The following COL22A1 variants were observed in gnomAD, a reference collection of about 807,000 sequenced individuals.
The protein encoded by COL22A1 is collagen type XXII alpha 1 chain.
In COL22A1, 221 loss-of-function variants were observed where a neutral mutation model predicts 248.9. The observed-to-expected ratio is 0.89, with a 90% CI of 0.80 to 0.99. The LOEUF (loss-of-function observed/expected upper bound fraction) is 0.99, where lower values mean the gene tolerates loss of function less well. Among genes scored for constraint, COL22A1 ranks in the 50% least tolerant of loss-of-function variants. The pLI, the probability that COL22A1 is intolerant of heterozygous loss-of-function variation, is 0.00. For missense variants in COL22A1, 2,240 were observed against 2,179.0 expected, an observed-to-expected ratio of 1.03 and a Z score of -0.56; for synonymous variants, 891 against 793.4, an observed-to-expected ratio of 1.12 and a Z score of -2.07.
At chr8:138,827,652 G>C (rs1184923120) in intron 5 of COL22A1, among the ~76,000 whole-genome samples, 3 of 151,366 alleles carry the variant, frequency 2.0e-5, no homozygotes, top group Non-Finnish European at 4.4e-5. Flanking sequence ...AAGTCCTCGG[G>C]CTGCTTTTCC....
Position 138,817,651 on chromosome 8 carries a change from A to T in COL22A1, c.1245+3485T>A, listed in dbSNP as rs1053927667. 2.1e-4 allele frequency among the ~76,000 whole-genome samples: 32 copies of T among 152,222 alleles called. 1 individual carries two copies. Among genetic ancestry groups the T allele is most frequent in the African/African-American group, 7.7e-4 (32 of 41,448 alleles). ...TTTAGGGGTCGACCATATAATACAA[A>T]TGGGTACCTTGGAGAGTACCAGAAG... is the stretch of plus-strand genomic sequence containing the variant. On this transcript the variant is annotated intron_variant, in intron 7 of 64. Transcript: ENST00000303045.
chr8:138,899,627 G>T (rs905452217), intron 1 of COL22A1, among the ~76,000 whole-genome samples: 30 of 152,092 alleles, frequency 2.0e-4, no homozygotes, highest in African/African-American at 6.8e-4. Context: ...GGGTTCAAGT[G>T]ATTCTCCTGC....
intron 59 of COL22A1, among the ~76,000 whole-genome samples, chr8:138,602,421 C>A (rs1325893366): frequency 6.6e-6 from 1 of 152,200 alleles, no homozygotes; most frequent in Non-Finnish European, 1.5e-5. Flanking sequence ...TCCTCCCCTA[C>A]CTCTTGTGGG....
intron 22 of COL22A1, among the ~76,000 whole-genome samples, chr8:138,741,776 G>A (rs62530661): frequency 3.3e-5 from 5 of 152,344 alleles, no homozygotes; most frequent in Non-Finnish European, 5.9e-5. Flanking sequence ...CGCCCACAAA[G>A]TACTTAGTAA....
chr8:138,693,243 T>C (rs1354987694), intron 35 of COL22A1, among the ~76,000 whole-genome samples: 1 of 152,034 alleles, frequency 6.6e-6, no homozygotes, highest in Admixed American at 6.6e-5. Flanking sequence ...CATCTGTGTG[T>C]TTGGGGCTGT....
rs1268030573 is a variant in COL22A1 at position 138,844,159 on chromosome 8, C to T, written c.659-1G>A. The T allele has an allele frequency of 6.2e-7, 1 of 1,614,070 alleles. No individual in the cohort carries two copies. The highest frequency in any genetic ancestry group is 8.5e-7 in the Non-Finnish European group (1 of 1,179,940). ...ACACGAACGCTAGGACAGAGCACAT[C>T]TGAGGAAAGCAAGAGGAAACAGAGA... is the stretch of plus-strand genomic sequence containing the variant. On this transcript the variant is annotated splice_acceptor_variant, in intron 3 of 64. Coordinates refer to ENST00000303045, the MANE Select transcript of COL22A1 (RefSeq NM_152888.3). LOFTEE classifies it high-confidence loss of function.
At chr8:138,701,735 A>T (rs1374121674) in intron 31 of COL22A1, among the ~76,000 whole-genome samples, 1 of 152,226 alleles carries the variant, frequency 6.6e-6, no homozygotes, top group Admixed American at 6.5e-5. Context: ...GAAGTAAACC[A>T]CAGAATGAAG....
intron 61 of COL22A1, among the ~76,000 whole-genome samples, chr8:138,597,342 T>C (rs1002425870): frequency 2.6e-5 from 4 of 152,184 alleles, no homozygotes; most frequent in Non-Finnish European, 5.9e-5. Flanking sequence ...GCTGCCAAAG[T>C]TGTGTCCACC....
intron 1 of COL22A1, among the ~76,000 whole-genome samples, chr8:138,897,344 G>A (rs990660456): frequency 1.1e-4 from 17 of 151,928 alleles, no homozygotes; most frequent in Non-Finnish European, 1.6e-4. Context: ...TCAAGAGATC[G>A]AGACCACCCT....
At chr8:138,903,602 G>A (rs1185526766) in intron 1 of COL22A1, among the ~76,000 whole-genome samples, 2 of 152,138 alleles carry the variant, frequency 1.3e-5, no homozygotes, top group African/African-American at 4.8e-5. Context: ...TGACACCAGT[G>A]ATTGTTTTCT....
chr8:138,593,401 AC>A (rs1176828878), intron 63 of COL22A1, among the ~76,000 whole-genome samples: 2 of 151,974 alleles, frequency 1.3e-5, no homozygotes, highest in South Asian at 2.1e-4. Context: ...TTAAAAAAAA[AC>A]CTTTTGTTAA....
At chr8:138,663,557 T>G (rs1188237312) in intron 42 of COL22A1, 148 bp downstream of exon 42, 6 of 667,962 alleles carry the variant, frequency 9.0e-6, no homozygotes, top group Non-Finnish European at 1.6e-5. Flanking sequence ...CAGGTCAGAG[T>G]TCATAGGTTG....
intron 4 of COL22A1, among the ~76,000 whole-genome samples, chr8:138,839,228 G>T (rs1481387563): frequency 6.6e-6 from 1 of 152,196 alleles, no homozygotes; most frequent in African/African-American, 2.4e-5. Flanking sequence ...CCTCCTATGT[G>T]TTAGATGCTG....
chr8:138,768,346 G>A (rs1175794092), intron 16 of COL22A1, among the ~76,000 whole-genome samples: 8 of 152,158 alleles, frequency 5.3e-5, no homozygotes. Context: ...GCCCGAGCCT[G>A]CCCCTGGCTT....
chr8:138,885,329 C>T (rs1317551083), intron 1 of COL22A1, among the ~76,000 whole-genome samples: 1 of 152,150 alleles, frequency 6.6e-6, no homozygotes, highest in Non-Finnish European at 1.5e-5. Context: ...CACCTGATCT[C>T]AGCCAGGTCA....
chr8:138,663,676 C>T lies in COL22A1; in HGVS notation c.3186+29G>A, dbSNP rs759404569. On this transcript the variant is annotated intron_variant, in intron 42 of 64. Transcript: ENST00000303045. Reference sequence around the variant, plus strand: ...TCGAGCAGGATTCCTCCCATAGAAACTCATCCCTTTATTTAAAGCATACTG... The same window carrying T: ...TCGAGCAGGATTCCTCCCATAGAAATTCATCCCTTTATTTAAAGCATACTG... 12 of 1,557,574 alleles carry T rather than the reference C, an allele frequency of 7.7e-6. No individual in the cohort carries two copies. The Admixed American group carries it at 8.3e-5, about 11-fold the overall frequency.
chr8:138,774,286 C>T lies in COL22A1; in HGVS notation c.1803+1680G>A, dbSNP rs532218427. 1.1e-3 allele frequency among the ~76,000 whole-genome samples: 172 copies of T among 152,122 alleles called. 2 individuals carry two copies. The highest frequency in any genetic ancestry group is 3.3e-3 in the Admixed American group (50 of 15,278). On this transcript the variant is annotated intron_variant, in intron 16 of 64. Coordinates refer to ENST00000303045, the MANE Select transcript of COL22A1 (RefSeq NM_152888.3). ...GGGACCTTTCAGAAAGCAACGTGAG[C>T]GAGCCACAGACAGATTCATTTGCTT...
intron 17 of COL22A1, 54 bp downstream of exon 17, chr8:138,762,359 C>T (rs544535658): frequency 2.6e-6 from 4 of 1,559,892 alleles, no homozygotes; most frequent in Admixed American, 3.3e-5. Flanking sequence ...TCTGGTCATT[C>T]CCATCCTCTG....
chr8:138,889,577 T>G (rs7841452), intron 1 of COL22A1, among the ~76,000 whole-genome samples: 3 of 151,932 alleles, frequency 2.0e-5, no homozygotes, highest in South Asian at 4.2e-4. Context: ...GTGGGGGGAG[T>G]GGGGAGGGAT....
Sources: gnomAD v4.1 joint callset for allele counts (sites outside exome capture counted in the v4.1 genomes callset) on GRCh38, gnomAD v4.1.1 for gene constraint, MANE v1.5 for transcripts, NCBI Gene and HGNC (gene_info 2026-07-23, HGNC 2026-07-21) for gene names.